The following SNX29 variants were observed in gnomAD, a reference collection of about 807,000 sequenced individuals.
SNX29 encodes sorting nexin-29.
In SNX29, 78 loss-of-function variants were observed where a neutral mutation model predicts 102.1. The ratio of observed to expected loss-of-function variants is 0.76; its 90% CI spans 0.64 to 0.92. SNX29 has a LOEUF of 0.92. SNX29 is among the 40% of genes least tolerant of loss of function. SNX29 has a pLI of 0.00. For missense variants in SNX29, 1,280 were observed against 1,061.7 expected, an observed-to-expected ratio of 1.21 and a Z score of -2.86; for synonymous variants, 580 against 414.5, an observed-to-expected ratio of 1.40 and a Z score of -4.85.
intron 19 of SNX29, among the ~76,000 whole-genome samples, chr16:12,514,189 T>C (rs564811933): frequency 6.6e-6 from 1 of 152,324 alleles, no homozygotes; most frequent in Non-Finnish European, 1.5e-5. Flanking sequence ...CTTTTTAAAA[T>C]TGAAGACTCA....
At chr16:12,482,680 C>G (rs889659260) in intron 19 of SNX29, among the ~76,000 whole-genome samples, 3 of 152,180 alleles carry the variant, frequency 2.0e-5, no homozygotes, top group Non-Finnish European at 4.4e-5. Context: ...ATCCATAGAC[C>G]TAGACATTAT....
At chr16:12,520,043 ACACAGT>A (rs2090037574) in intron 19 of SNX29, among the ~76,000 whole-genome samples, 1 of 152,162 alleles carries the variant, frequency 6.6e-6, no homozygotes, top group Non-Finnish European at 1.5e-5. Flanking sequence ...AGAAAACAAA[ACACAGT>A]CACAGGCAGG....
At chr16:12,339,398 T>C (rs1274762577) in intron 15 of SNX29, among the ~76,000 whole-genome samples, 2 of 108,770 alleles carry the variant, frequency 1.8e-5, no homozygotes, top group African/African-American at 5.1e-5. Flanking sequence ...AAAAAAAGAT[T>C]ATGGGTAGTG....
intron 20 of SNX29, among the ~76,000 whole-genome samples, chr16:12,528,816 G>C (rs1037030462): frequency 6.6e-6 from 1 of 152,226 alleles, no homozygotes; most frequent in Non-Finnish European, 1.5e-5. Context: ...TCTGTGAACA[G>C]GGCCACTGAT....
At chr16:12,146,689 T>G (rs1225402682) in intron 13 of SNX29, among the ~76,000 whole-genome samples, 1 of 152,220 alleles carries the variant, frequency 6.6e-6, no homozygotes, top group Non-Finnish European at 1.5e-5. Flanking sequence ...CATCTGTGGC[T>G]GTGGAAGGTG....
chr16:12,551,837 G>A (rs1289673935), intron 20 of SNX29, among the ~76,000 whole-genome samples: 2 of 152,154 alleles, frequency 1.3e-5, no homozygotes, highest in African/African-American at 4.8e-5. Flanking sequence ...TCACTTAGCT[G>A]CTGCTGGGGA....
rs147429906 is a variant in SNX29 at position 12,241,330 on chromosome 16, C to A, written c.1679-36603C>A. ...AGAAGCCCTGAAAATCACTGTTTTA[C>A]GTTAAAAGGGGGTTTATTGATTGAA... On this transcript the variant is annotated intron_variant, in intron 14 of 20. Transcript: ENST00000566228. Among the ~76,000 whole-genome samples the A allele has an allele frequency of 4.4e-4, 67 of 152,230 alleles. 1 individual carries two copies. Among genetic ancestry groups the A allele is most frequent in the Admixed American group, 3.7e-3 (57 of 15,300 alleles).
At chr16:12,549,683 T>C (rs1395307591) in intron 20 of SNX29, among the ~76,000 whole-genome samples, 1 of 152,214 alleles carries the variant, frequency 6.6e-6, no homozygotes, top group African/African-American at 2.4e-5. Context: ...GCCCGGCATC[T>C]TGATGTCGCA....
chr16:12,157,965 C>G (rs993595453), intron 13 of SNX29, among the ~76,000 whole-genome samples: 1 of 152,204 alleles, frequency 6.6e-6, no homozygotes, highest in Non-Finnish European at 1.5e-5. Flanking sequence ...TGTGTTTTCC[C>G]AGCATCCCAG....
At chr16:12,345,034 C>G (rs1302598397) in intron 15 of SNX29, among the ~76,000 whole-genome samples, 3 of 152,216 alleles carry the variant, frequency 2.0e-5, no homozygotes, top group Non-Finnish European at 4.4e-5. Flanking sequence ...AGGAAAGAGG[C>G]CTCTGCCCCT....
At chr16:12,483,879 T>C (rs758854762) in intron 19 of SNX29, among the ~76,000 whole-genome samples, 1 of 152,188 alleles carries the variant, frequency 6.6e-6, no homozygotes, top group African/African-American at 2.4e-5. Flanking sequence ...ACATGGAAAT[T>C]CCACTTGCAT....
At chr16:12,404,796 G>A (rs755558225) in intron 18 of SNX29, among the ~76,000 whole-genome samples, 2 of 152,128 alleles carry the variant, frequency 1.3e-5, no homozygotes, top group Non-Finnish European at 1.5e-5. Flanking sequence ...ACTGTTTTGA[G>A]ATTAGAAATA....
intron 14 of SNX29, among the ~76,000 whole-genome samples, chr16:12,256,145 T>C (rs932884343): frequency 3.9e-5 from 6 of 152,358 alleles, no homozygotes; most frequent in Middle Eastern, 3.4e-3. Flanking sequence ...CAGCTGGTCA[T>C]ACACCTGTTG....
chr16:12,077,926 A>G lies in SNX29; in HGVS notation c.1320-907A>G, dbSNP rs140844956. On this transcript the variant is annotated intron_variant, in intron 10 of 20. Transcript: ENST00000566228. ...ATGAGCCACCACACCTGGCCTGGTC[A>G]CAGCATTTTTATCAACTGATCAACA... 1.7e-3 allele frequency among the ~76,000 whole-genome samples: 262 copies of G among 152,164 alleles called. 1 individual carries two copies. Among genetic ancestry groups the G allele is most frequent in the African/African-American group, 5.4e-3 (224 of 41,542 alleles).
chr16:12,400,766 G>C (rs1425742801), intron 17 of SNX29, among the ~76,000 whole-genome samples: 1 of 152,172 alleles, frequency 6.6e-6, no homozygotes, highest in African/African-American at 2.4e-5. Flanking sequence ...CAACAGAAAT[G>C]AAAGGAGAAA....
chr16:12,537,590 G>A (rs2077133296), intron 20 of SNX29, among the ~76,000 whole-genome samples: 1 of 152,116 alleles, frequency 6.6e-6, no homozygotes, highest in Non-Finnish European at 1.5e-5. Flanking sequence ...TTACTTCTTT[G>A]TTCAAACTCT....
At chr16:12,551,881 C>T (rs1048011694) in intron 20 of SNX29, among the ~76,000 whole-genome samples, 6 of 152,322 alleles carry the variant, frequency 3.9e-5, no homozygotes, top group Non-Finnish European at 8.8e-5. Context: ...TCTAGCCTGT[C>T]TGCTCATCTG....
chr16:12,569,629 T>C lies in SNX29; in HGVS notation c.*1000T>C, dbSNP rs949087263. 3.5e-5 allele frequency: 6 copies of C among 170,614 alleles called. No individual in the cohort carries two copies. The highest frequency in any genetic ancestry group is 2.4e-4 in the African/African-American group (6 of 24,960). 10.6% of individuals were successfully genotyped at this position (170,614 alleles called of 1,614,324 possible). On this transcript the variant is annotated 3_prime_UTR_variant, in exon 21 of 21. Transcript: ENST00000566228. Reference sequence around the variant, plus strand: ...TTGTCCTTGATAACAGAACTCTGCATCCCCTAAGACAGAGTCCTCTGTTCC... The same window carrying C: ...TTGTCCTTGATAACAGAACTCTGCACCCCCTAAGACAGAGTCCTCTGTTCC...
intron 18 of SNX29, among the ~76,000 whole-genome samples, chr16:12,413,823 C>G (rs915886364): frequency 3.9e-5 from 6 of 152,192 alleles, no homozygotes; most frequent in African/African-American, 1.4e-4. Context: ...CTTACCGCTC[C>G]TAAATGGTGG....
Sources: gnomAD v4.1 joint callset for allele counts (sites outside exome capture counted in the v4.1 genomes callset) on GRCh38, gnomAD v4.1.1 for gene constraint, MANE v1.5 for transcripts, NCBI Gene and HGNC (gene_info 2026-07-23, HGNC 2026-07-21) for gene names.